UGT1A8: variants seen among roughly 807,000 people sequenced by gnomAD.
UGT1A8 encodes the protein UDP-glucuronosyltransferase 1A8.
In UGT1A8, 39 loss-of-function variants were observed where a neutral mutation model predicts 45.3. That is an observed-to-expected ratio of 0.86 (90% CI 0.67 to 1.12). UGT1A8 has a LOEUF of 1.12. Ranked by LOEUF, UGT1A8 falls within the 50% of genes most tolerant of loss-of-function variation. The pLI is 0.00. For missense variants in UGT1A8, 719 were observed against 664.9 expected (o/e 1.08, Z -0.90); for synonymous variants, 275 against 249.2 (o/e 1.10, Z -0.97).
intron 1 of UGT1A8, chr2:233,747,605 A>G: frequency 6.4e-7 from 1 of 1,574,152 alleles, no homozygotes; most frequent in Non-Finnish European, 8.7e-7. Context: ...GTGTGGAGCT[A>G]CTGCATAATG....
chr2:233,657,178 T>G (rs1338988440), intron 1 of UGT1A8, among the ~76,000 whole-genome samples: 1 of 152,140 alleles, frequency 6.6e-6, no homozygotes, highest in Non-Finnish European at 1.5e-5. Flanking sequence ...GCTATCAAGG[T>G]CCCCCATCAT....
intron 1 of UGT1A8, among the ~76,000 whole-genome samples, chr2:233,706,759 A>G (rs1474943157): frequency 2.6e-5 from 4 of 152,188 alleles, no homozygotes; most frequent in Non-Finnish European, 5.9e-5. Flanking sequence ...AGTGCCGTAC[A>G]CTGGTATCCA....
chr2:233,752,826 C>T (rs372866711), intron 1 of UGT1A8, among the ~76,000 whole-genome samples: 1 of 152,184 alleles, frequency 6.6e-6, no homozygotes, highest in East Asian at 1.9e-4. Context: ...TTTATGACAT[C>T]AGTAATCTAG....
In UGT1A8 at chr2:233,671,557, G is replaced by T. The variant is rs568180779; in HGVS notation, c.855+52995G>T. The stretch of plus-strand genomic sequence containing the variant: ...TGCCTAAAGGTAAAATCTAAATTTT[G>T]CTCTGGGACAAATTCCAAAAAAAAT... On this transcript the variant is annotated intron_variant, in intron 1 of 4. Transcript: ENST00000373450. Among the ~76,000 whole-genome samples the T allele has an allele frequency of 2.0e-5, 3 of 152,230 alleles. No individual in the cohort carries two copies. The East Asian group carries it at 5.8e-4, about 29-fold the overall frequency.
At chr2:233,682,090 G>A (rs777861201) in intron 1 of UGT1A8, 7 of 1,614,076 alleles carry the variant, frequency 4.3e-6, no homozygotes, top group Non-Finnish European at 5.9e-6. Flanking sequence ...TCATCCTCAG[G>A]GGGCATGAGG....
intron 1 of UGT1A8, among the ~76,000 whole-genome samples, chr2:233,683,909 C>A (rs2074656150): frequency 6.6e-6 from 1 of 152,114 alleles, no homozygotes; most frequent in East Asian, 1.9e-4. Context: ...TTTGGCGGAG[C>A]ATATAGTTCC....
At chr2:233,637,051 C>G (rs1469061208) in intron 1 of UGT1A8, 1 of 1,614,030 alleles carries the variant, frequency 6.2e-7, no homozygotes, top group South Asian at 1.1e-5. Flanking sequence ...TTGCCACCAT[C>G]TTGAAGAAGG....
chr2:233,664,585 G>A (rs1559330576), intron 1 of UGT1A8, among the ~76,000 whole-genome samples: 1 of 152,198 alleles, frequency 6.6e-6, no homozygotes, highest in African/African-American at 2.4e-5. Flanking sequence ...GCAGGAGCAT[G>A]TCACATGACA....
intron 1 of UGT1A8, among the ~76,000 whole-genome samples, chr2:233,710,808 C>A (rs1646054094): frequency 6.6e-6 from 1 of 152,170 alleles, no homozygotes; most frequent in Non-Finnish European, 1.5e-5. Flanking sequence ...CCCTCGTGCC[C>A]TATCTAAGGA....
At chr2:233,741,718 G>A (rs530950175) in intron 1 of UGT1A8, 1 of 151,874 alleles carries the variant, frequency 6.6e-6, no homozygotes, top group Non-Finnish European at 1.5e-5. Flanking sequence ...GGGTTCTAGA[G>A]CATATCCAAA....
chr2:233,642,633 G>A (rs1479850098), intron 1 of UGT1A8, among the ~76,000 whole-genome samples: 1 of 152,178 alleles, frequency 6.6e-6, no homozygotes, highest in South Asian at 2.1e-4. Flanking sequence ...AGTCTTCATT[G>A]TCTGGGCTTA....
intron 1 of UGT1A8, among the ~76,000 whole-genome samples, chr2:233,759,941 CTTG>C (rs1697287093): frequency 6.6e-6 from 1 of 152,156 alleles, no homozygotes; most frequent in Non-Finnish European, 1.5e-5. Flanking sequence ...AGAAGCCTAA[CTTG>C]TTCACTACAT....
chr2:233,692,633 C>T (rs969401857), intron 1 of UGT1A8, among the ~76,000 whole-genome samples: 2 of 152,124 alleles, frequency 1.3e-5, no homozygotes, highest in Non-Finnish European at 2.9e-5. Context: ...TAACAGACAA[C>T]GTCAATGATG....
intron 1 of UGT1A8, among the ~76,000 whole-genome samples, chr2:233,671,425 G>A (rs1262287090): frequency 6.6e-6 from 1 of 152,178 alleles, no homozygotes; most frequent in African/African-American, 2.4e-5. Context: ...GCATTGCAGA[G>A]ACACAGGCGA....
At chr2:233,725,886 G>T (rs2077481662) in intron 1 of UGT1A8, among the ~76,000 whole-genome samples, 1 of 152,018 alleles carries the variant, frequency 6.6e-6, no homozygotes, top group Admixed American at 6.6e-5. Context: ...ATGATTTGTA[G>T]GCAGGTGGGT....
At chr2:233,757,826 ATGG>A (rs1696730771) in intron 1 of UGT1A8, among the ~76,000 whole-genome samples, 1 of 151,882 alleles carries the variant, frequency 6.6e-6, no homozygotes, top group Non-Finnish European at 1.5e-5. Flanking sequence ...AGTGTGTCTG[ATGG>A]TGGCCTACTA....
chr2:233,757,057 G>C (rs1201778154), intron 1 of UGT1A8, among the ~76,000 whole-genome samples: 1 of 151,606 alleles, frequency 6.6e-6, no homozygotes, highest in African/African-American at 2.4e-5. Context: ...TTGGGGAACA[G>C]CAAGGGATCC....
rs1196428735 is a variant in UGT1A8 at position 233,732,781 on chromosome 2, T to C, written c.856-34253T>C. Reference sequence around the variant, plus strand: ...TTTTTTTTTTTTTTTTGCTTAGGATTGTCTTGGCAATGCAGGCTCTTTTTT... The same window carrying C: ...TTTTTTTTTTTTTTTTGCTTAGGATCGTCTTGGCAATGCAGGCTCTTTTTT... On this transcript the variant is annotated intron_variant, in intron 1 of 4. Transcript: ENST00000373450. Among the ~76,000 whole-genome samples the C allele has an allele frequency of 2.6e-5, 4 of 151,222 alleles. No individual in the cohort carries two copies. In the East Asian group the frequency reaches 7.7e-4, roughly 29 times the overall value.
intron 1 of UGT1A8, among the ~76,000 whole-genome samples, chr2:233,714,260 A>T (rs2076376447): frequency 6.6e-6 from 1 of 152,230 alleles, no homozygotes; most frequent in East Asian, 1.9e-4. Context: ...ATAGAAATTT[A>T]CAATTGTTGA....
Sources: gnomAD v4.1 joint callset for allele counts (sites outside exome capture counted in the v4.1 genomes callset) on GRCh38, gnomAD v4.1.1 for gene constraint, MANE v1.5 for transcripts, NCBI Gene and HGNC (gene_info 2026-07-23, HGNC 2026-07-21) for gene names.